TRIP13: variants seen among roughly 807,000 people sequenced by gnomAD.
TRIP13 encodes pachytene checkpoint protein 2 homolog.
In TRIP13, 25 loss-of-function variants were observed where a neutral mutation model predicts 54.4. That is an observed-to-expected ratio of 0.46 (90% CI 0.33 to 0.64). The LOEUF is 0.64. Ranked by LOEUF, TRIP13 falls within the 30% of genes least tolerant of loss-of-function variation. The probability of loss-of-function intolerance (pLI) is 0.02; values close to 1 mark genes in which losing one functional copy is unlikely to be tolerated. For missense variants in TRIP13, 373 were observed against 534.2 expected (o/e 0.70, Z 2.97); for synonymous variants, 207 against 207.8 (o/e 1.00, Z 0.03).
chr5:893,330 T>A (rs996789279), intron 1 of TRIP13, among the ~76,000 whole-genome samples: 18 of 151,544 alleles, frequency 1.2e-4, no homozygotes, highest in African/African-American at 4.4e-4. Context: ...GGACCCCAGC[T>A]CACAGATTGA....
chr5:905,835 G>A (rs958582738), intron 6 of TRIP13, among the ~76,000 whole-genome samples: 5 of 152,178 alleles, frequency 3.3e-5, no homozygotes, highest in Non-Finnish European at 7.3e-5. Context: ...TTTTACATAG[G>A]GAAATTGCTT....
rs1754167857 is a variant in TRIP13, at chr5:908,658, T to A, written c.866+197T>A. On this transcript the variant is annotated intron_variant, in intron 9 of 12. Transcript: ENST00000166345. The surrounding 1 kb of genome is among the most constrained non-coding windows in gnomAD (Gnocchi z 5.2). ...CTTTTTAAAGAAATTGTTTTTAGTG[T>A]GTTAAAAATGTAATAGAAGGCCAGG... 1.4e-6 allele frequency: 2 copies of A among 1,403,992 alleles called. No homozygotes were observed. The highest frequency in any genetic ancestry group is 3.0e-5 in the South Asian group (2 of 67,392). 87.0% of individuals were successfully genotyped at this position (1,403,992 alleles called of 1,614,324 possible).
Position 907,295 on chromosome 5 carries a change from G to A in TRIP13, c.672+102G>A. Reference sequence around the variant, plus strand: ...TCCAGAAGCTTCAGGAGAGAACTGGGTGGGAAGGGTGTGTGAGGATTGGGG... The same window carrying A: ...TCCAGAAGCTTCAGGAGAGAACTGGATGGGAAGGGTGTGTGAGGATTGGGG... On this transcript the variant is annotated intron_variant, in intron 7 of 12. Transcript: ENST00000166345. The surrounding 1 kb of genome is among the most constrained non-coding windows in gnomAD (Gnocchi z 4.1). The A allele has an allele frequency of 1.9e-6, 2 of 1,046,040 alleles. No homozygotes were observed. The highest frequency in any genetic ancestry group is 2.0e-5 in the Admixed American group (1 of 49,012). 64.8% of individuals were successfully genotyped at this position (1,046,040 alleles called of 1,614,324 possible).
intron 5 of TRIP13, among the ~76,000 whole-genome samples, chr5:902,381 C>T (rs968857894): frequency 3.9e-5 from 6 of 152,148 alleles, no homozygotes; most frequent in East Asian, 1.9e-4. Flanking sequence ...AGACAGGCCC[C>T]GCATACTGCC....
intron 5 of TRIP13, among the ~76,000 whole-genome samples, chr5:903,199 C>T (rs1560946224): frequency 6.6e-6 from 1 of 152,092 alleles, no homozygotes; most frequent in East Asian, 1.9e-4. Flanking sequence ...TTGACACTGA[C>T]GCTACCATTA....
In TRIP13 at chr5:912,899, A is replaced by T. The variant is rs1579203475; in HGVS notation, c.1020+903A>T. Among the ~76,000 whole-genome samples the T allele has an allele frequency of 6.6e-6, 1 of 152,344 alleles. No homozygotes were observed. The highest frequency in any genetic ancestry group is 1.9e-4 in the East Asian group (1 of 5,180). Reference sequence around the variant, plus strand: ...TAACCAAGCAAACCAGTGAATGGGGATTTAAACAGTGATGAGTTTAATGCA... The same window carrying T: ...TAACCAAGCAAACCAGTGAATGGGGTTTTAAACAGTGATGAGTTTAATGCA... On this transcript the variant is annotated intron_variant, in intron 10 of 12. Transcript: ENST00000166345. This position sits in a 1 kb window ranked among gnomAD's most constrained non-coding sequence, Gnocchi z 7.2.
chr5:900,490 A>G lies in TRIP13; in HGVS notation c.389-4A>G. On this transcript the variant is annotated splice_polypyrimidine_tract_variant and splice_region_variant and intron_variant, in intron 3 of 12. Transcript: ENST00000166345. ...AATCAGGTCTTTGTTTAATTCTGTCACAGCTGAATTCCATGGGCTTTGGGA... is the reference window on the plus strand; with the variant it reads ...AATCAGGTCTTTGTTTAATTCTGTCGCAGCTGAATTCCATGGGCTTTGGGA... 6.2e-7 allele frequency: 1 copy of G among 1,612,926 alleles called. No individual in the cohort carries two copies. The highest frequency in any genetic ancestry group is 8.5e-7 in the Non-Finnish European group (1 of 1,179,788).
intron 5 of TRIP13, among the ~76,000 whole-genome samples, chr5:902,014 C>G (rs1754002692): frequency 6.6e-6 from 1 of 152,208 alleles, no homozygotes; most frequent in Non-Finnish European, 1.5e-5. Context: ...GTGGATAATA[C>G]TAAACCTTAT....
At position 913,257 on chromosome 5, in the gene TRIP13, A is replaced by T. The variant is rs1253953724; in HGVS notation, c.1021-1208A>T. ...TTCCAGCCCTCGCAGTGTGACGTTTATACACTTGTACACTCGTGCTGTGAA... is the reference window on the plus strand; with the variant it reads ...TTCCAGCCCTCGCAGTGTGACGTTTTTACACTTGTACACTCGTGCTGTGAA... On this transcript the variant is annotated intron_variant, in intron 10 of 12. Transcript: ENST00000166345. This position sits in a 1 kb window ranked among gnomAD's most constrained non-coding sequence, Gnocchi z 4.5. Among the ~76,000 whole-genome samples, 2 of 152,172 alleles carry T rather than the reference A, an allele frequency of 1.3e-5. No individual in the cohort carries two copies. Among genetic ancestry groups the T allele is most frequent in the Non-Finnish European group, 2.9e-5 (2 of 68,026 alleles).
chr5:894,865 A>G lies in TRIP13; in HGVS notation c.171A>G (p.Thr57=). 1 of 1,614,100 alleles carries G rather than the reference A, an allele frequency of 6.2e-7. No homozygotes were observed. Among genetic ancestry groups the G allele is most frequent in the Non-Finnish European group, 8.5e-7 (1 of 1,179,992 alleles). The change falls in exon 2 of 13, where the codon ACA becomes ACG. Residue 57 remains threonine, a synonymous_variant. Transcript: ENST00000166345. ...NRHNIVFGDY[T]WTEFDEPFLT... is the part of the protein sequence containing the mutation. ...ATAATATTGTGTTTGGTGATTACAC[A>G]TGGACTGAGTTTGATGAACCTTTTT...
chr5:909,905 C>T (rs1173878576), intron 9 of TRIP13, among the ~76,000 whole-genome samples: 3 of 152,160 alleles, frequency 2.0e-5, no homozygotes, highest in Non-Finnish European at 4.4e-5. Context: ...GGCCAGGTGT[C>T]CCTTGCCCTC....
chr5:905,888 T>G (rs1754104566), intron 6 of TRIP13, among the ~76,000 whole-genome samples: 1 of 152,262 alleles, frequency 6.6e-6, no homozygotes, highest in Non-Finnish European at 1.5e-5. Flanking sequence ...TGCCCTTTGC[T>G]TTGACATATT....
At chr5:901,050 T>C (rs1753976060) in intron 4 of TRIP13, among the ~76,000 whole-genome samples, 1 of 152,262 alleles carries the variant, frequency 6.6e-6, no homozygotes, top group Non-Finnish European at 1.5e-5. Context: ...CATTACTTGA[T>C]AAACAAACCC....
At chr5:894,750 T>C (rs1453174485) in intron 1 of TRIP13, 37 bp from the exon 2 acceptor site, 1 of 1,565,728 alleles carries the variant, frequency 6.4e-7, no homozygotes, top group South Asian at 1.2e-5. Flanking sequence ...GTTTTTGAAC[T>C]AAGATCATTT....
intron 1 of TRIP13, among the ~76,000 whole-genome samples, chr5:894,245 A>G (rs540315166): frequency 1.8e-4 from 27 of 152,304 alleles, no homozygotes; most frequent in Admixed American, 1.1e-3. Context: ...AGTGCATAGC[A>G]GGGCACAGAG....
intron 5 of TRIP13, 32 bp from the exon 6 acceptor site, chr5:904,116 T>TA (rs1042485194): frequency 4.4e-6 from 7 of 1,590,000 alleles, no homozygotes; most frequent in Non-Finnish European, 6.0e-6. Flanking sequence ...AGCACTGACT[T>TA]AAAAATATAT....
intron 6 of TRIP13, among the ~76,000 whole-genome samples, chr5:905,960 A>G (rs1754105934): frequency 6.6e-6 from 1 of 152,206 alleles, no homozygotes; most frequent in Admixed American, 6.5e-5. Flanking sequence ...CAATGCCTGT[A>G]ATCCCAGCGC....
Position 914,546 on chromosome 5 carries a change from A to G in TRIP13, c.1102A>G (p.Lys368Glu), listed in dbSNP as rs1404112324. ...TGGCTTCATTGAAAACAACGTGTCA[A>G]AATTGAGCCTTCTTTTGAATGACAT... ...MIGFIENNVS[K>E]LSLLLNDISR... is the part of the protein sequence containing the mutation. The change falls in exon 11 of 13, where the codon AAA becomes GAA. Residue 368 changes from lysine (K) to glutamate (E), a missense_variant. Lys to Glu is a moderately conservative substitution (Grantham distance 56). Around this residue, in one of 4 missense-constraint regions of TRIP13, gnomAD observed 101 missense variants for 138.5 expected, o/e 0.73. Coordinates refer to ENST00000166345, the MANE Select transcript of TRIP13 (RefSeq NM_004237.4). 6.2e-7 allele frequency: 1 copy of G among 1,613,692 alleles called. No homozygotes were observed. Among genetic ancestry groups the G allele is most frequent in the East Asian group, 2.2e-5 (1 of 44,872 alleles).
rs1216803489 is a variant in TRIP13, at chr5:907,321, C to T, written c.672+128C>T. On this transcript the variant is annotated intron_variant, in intron 7 of 12. Coordinates refer to ENST00000166345, the MANE Select transcript of TRIP13 (RefSeq NM_004237.4). This position sits in a 1 kb window ranked among gnomAD's most constrained non-coding sequence, Gnocchi z 4.1. ...TGGGAAGGGTGTGTGAGGATTGGGG[C>T]TGACTGTGATCAGAGAAGGTTCCGG... The T allele has an allele frequency of 1.2e-5, 10 of 833,966 alleles. No individual in the cohort carries two copies. The highest frequency in any genetic ancestry group is 1.7e-5 in the Non-Finnish European group (9 of 520,924). 51.7% of individuals were successfully genotyped at this position (833,966 alleles called of 1,614,324 possible). A position where few individuals can be genotyped will look rare whatever the true frequency, so the allele number is the denominator to read the frequency against.
Sources: gnomAD v4.1 joint callset for allele counts (sites outside exome capture counted in the v4.1 genomes callset) on GRCh38, gnomAD v4.1.1 for gene constraint, gnomAD v4.1.1 regional missense constraint, Gnocchi (gnomAD v3.1) non-coding constraint, MANE v1.5 for transcripts, NCBI Gene and HGNC (gene_info 2026-07-23, HGNC 2026-07-21) for gene names.